The following TTBK2 variants were observed in gnomAD, a reference collection of about 807,000 sequenced individuals.
The protein encoded by TTBK2 is tau-tubulin kinase 2.
TTBK2 carries 28 observed loss-of-function variants against 110.8 expected under a neutral mutation model. The ratio of observed to expected loss-of-function variants is 0.25; its 90% CI spans 0.19 to 0.35. The LOEUF is 0.35. Among genes scored for constraint, TTBK2 ranks in the 10% least tolerant of loss-of-function variants. The pLI, the probability that TTBK2 is intolerant of heterozygous loss-of-function variation, is 1.00. For synonymous variants in TTBK2, 532 were observed against 527.3 expected (o/e 1.01, Z -0.12); for missense variants, 1,369 against 1,500.3 (o/e 0.91, Z 1.45).
intron 1 of TTBK2, 134 bp from the exon 2 acceptor site, chr15:42,878,818 G>T: frequency 8.5e-7 from 1 of 1,180,126 alleles, no homozygotes; most frequent in Non-Finnish European, 1.2e-6. Context: ...AGGGGAAAAA[G>T]ACCTAGAAAT....
intron 2 of TTBK2, among the ~76,000 whole-genome samples, chr15:42,875,833 G>A (rs900723244): frequency 4.7e-5 from 7 of 150,188 alleles, no homozygotes; most frequent in African/African-American, 1.7e-4. Context: ...TTGAACCCGG[G>A]AGGCGCAGGC....
chr15:42,808,252 G>C (rs16957187), intron 9 of TTBK2, among the ~76,000 whole-genome samples: 10,184 of 152,276 alleles, frequency 0.067, 974 homozygotes, highest in African/African-American at 0.21. Context: ...TGTTGGCCAT[G>C]TGCAACGTGT....
At chr15:42,860,302 C>T (rs1894105028) in intron 3 of TTBK2, among the ~76,000 whole-genome samples, 1 of 151,928 alleles carries the variant, frequency 6.6e-6, no homozygotes, top group South Asian at 2.1e-4. Flanking sequence ...CAAAAACCTA[C>T]ATCTAAACAT....
intron 13 of TTBK2, among the ~76,000 whole-genome samples, chr15:42,768,435 G>A (rs1030411912): frequency 6.6e-6 from 1 of 152,148 alleles, no homozygotes; most frequent in Non-Finnish European, 1.5e-5. Flanking sequence ...CAAAATCAAT[G>A]TGCAAAAATC....
rs1439359031 is a variant in TTBK2, at chr15:42,748,567, T to C, written c.3273-2310A>G. Among the ~76,000 whole-genome samples, 6 of 152,216 alleles carry C rather than the reference T, an allele frequency of 3.9e-5. No individual in the cohort carries two copies. In the East Asian group the frequency reaches 1.2e-3, roughly 29 times the overall value. ...TCCCAAGTAGCTGGGAATACAGCTGTGTAGCACCCGTGCCTGGCTAATTCT... is the reference window on the plus strand; with the variant it reads ...TCCCAAGTAGCTGGGAATACAGCTGCGTAGCACCCGTGCCTGGCTAATTCT... On this transcript the variant is annotated intron_variant, in intron 14 of 14. Transcript: ENST00000267890.
At chr15:42,879,331 A>T (rs2141134235) in intron 1 of TTBK2, among the ~76,000 whole-genome samples, 1 of 152,332 alleles carries the variant, frequency 6.6e-6, no homozygotes, top group South Asian at 2.1e-4. Flanking sequence ...TTAGTGAAAA[A>T]GGCAAGACAG....
chr15:42,869,465 G>GA (rs983595695), intron 3 of TTBK2, among the ~76,000 whole-genome samples: 19 of 148,250 alleles, frequency 1.3e-4, no homozygotes, highest in African/African-American at 4.2e-4. Context: ...TGAAAACTGA[G>GA]AAAAAAACAA....
chr15:42,769,147 C>T (rs932032363), intron 13 of TTBK2, among the ~76,000 whole-genome samples: 5 of 152,120 alleles, frequency 3.3e-5, no homozygotes, highest in African/African-American at 1.2e-4. Context: ...AGACCTAAAA[C>T]CATAAAAACC....
Position 42,872,696 on chromosome 15 carries a change from C to G in TTBK2, c.132G>C (p.Arg44Ser). Residue 44 changes from arginine (R) to serine (S), a missense_variant, in exon 3 of 15, where the codon AGG becomes AGC. Physicochemically the swap from Arg to Ser is moderately radical, Grantham distance 110. This residue lies in a region of TTBK2 where 122 missense variants were observed against 159.7 expected (regional missense o/e 0.76). Coordinates refer to ENST00000267890, the MANE Select transcript of TTBK2 (RefSeq NM_173500.4). ...EIYDALDMLT[R>S]ENVALKVESA... ...ATTCCACCTTCAGTGCAACATTTTC[C>G]CTGGTGAGCATGTCCAAGGCATCGT... 6.2e-7 allele frequency: 1 copy of G among 1,614,012 alleles called. No individual in the cohort carries two copies. Among genetic ancestry groups the G allele is most frequent in the Non-Finnish European group, 8.5e-7 (1 of 1,179,994 alleles).
intron 6 of TTBK2, among the ~76,000 whole-genome samples, chr15:42,824,713 T>C (rs1892454495): frequency 6.6e-6 from 1 of 151,976 alleles, no homozygotes; most frequent in Non-Finnish European, 1.5e-5. Context: ...TGGGGACTAC[T>C]TCAGGATGGA....
intron 13 of TTBK2, among the ~76,000 whole-genome samples, chr15:42,769,479 A>ATTT (rs201878986): frequency 6.6e-6 from 1 of 151,606 alleles, no homozygotes; most frequent in African/African-American, 2.4e-5. Context: ...AAAAGAAGAC[A>ATTT]TTTATGCAGC....
At chr15:42,910,012 CA>C (rs1474231474) in intron 1 of TTBK2, among the ~76,000 whole-genome samples, 1 of 151,812 alleles carries the variant, frequency 6.6e-6, no homozygotes, top group Non-Finnish European at 1.5e-5. Flanking sequence ...CAAAACAAAA[CA>C]AAAAAGGCAG....
chr15:42,835,074 G>A (rs1356095585), intron 4 of TTBK2, among the ~76,000 whole-genome samples: 3 of 152,138 alleles, frequency 2.0e-5, no homozygotes, highest in African/African-American at 7.2e-5. Flanking sequence ...ACCTAATAGT[G>A]AATGTAGTGG....
chr15:42,752,152 G>A lies in TTBK2; in HGVS notation c.3094C>T (p.Leu1032=). Residue 1032 remains leucine (L), a synonymous_variant, in exon 14 of 15, where the codon CTG becomes TTG. Transcript: ENST00000267890. ...AAGCTATCTTCAGCTGACCTACTCAGGTGAGAATCTACTGTCAGTCTTGAA... is the reference window on the plus strand; with the variant it reads ...AAGCTATCTTCAGCTGACCTACTCAAGTGAGAATCTACTGTCAGTCTTGAA... The part of the protein sequence containing the change: ...PFSRLTVDSH[L]SRSAEDSFLS... The A allele has an allele frequency of 1.9e-6, 3 of 1,614,178 alleles. No individual in the cohort carries two copies. Among genetic ancestry groups the A allele is most frequent in the Non-Finnish European group, 1.7e-6 (2 of 1,180,036 alleles).
At chr15:42,774,457 G>A (rs1889812865) in intron 13 of TTBK2, among the ~76,000 whole-genome samples, 1 of 152,138 alleles carries the variant, frequency 6.6e-6, no homozygotes, top group African/African-American at 2.4e-5. Flanking sequence ...TTCTCCAGCT[G>A]AATGCCCAAA....
intron 14 of TTBK2, among the ~76,000 whole-genome samples, chr15:42,747,333 T>C (rs2061806718): frequency 6.6e-6 from 1 of 152,210 alleles, no homozygotes; most frequent in African/African-American, 2.4e-5. Context: ...CCTAAATGTC[T>C]TTCTGGTTTG....
chr15:42,810,315 T>C (rs1891651305), intron 9 of TTBK2, among the ~76,000 whole-genome samples: 3 of 152,304 alleles, frequency 2.0e-5, no homozygotes, highest in South Asian at 4.1e-4. Flanking sequence ...ATTTACATAA[T>C]TTCAACTGTC....
intron 2 of TTBK2, among the ~76,000 whole-genome samples, chr15:42,874,197 T>C (rs1894719558): frequency 6.6e-6 from 1 of 152,224 alleles, no homozygotes; most frequent in Non-Finnish European, 1.5e-5. Context: ...TGGCCATTTG[T>C]TCTATTCTAT....
intron 13 of TTBK2, among the ~76,000 whole-genome samples, chr15:42,755,783 A>G (rs1009499408): frequency 6.6e-6 from 1 of 152,234 alleles, no homozygotes; most frequent in African/African-American, 2.4e-5. Context: ...TCTAAAATTT[A>G]TAGTAATTCA....
Sources: allele counts gnomAD v4.1 joint callset (sites outside exome capture counted in the v4.1 genomes callset), GRCh38; gene constraint gnomAD v4.1.1; regional missense constraint gnomAD v4.1.1; transcripts MANE v1.5; gene names NCBI Gene and HGNC (gene_info 2026-07-23, HGNC 2026-07-21).